The following TCF7L1 variants were observed in gnomAD, a reference collection of about 807,000 sequenced individuals.
The protein encoded by TCF7L1 is transcription factor 7-like 1.
In TCF7L1, 18 loss-of-function variants were observed where a neutral mutation model predicts 63.7. The observed-to-expected ratio is 0.28, with a 90% confidence interval of 0.20 to 0.42. The LOEUF is 0.42. Ranked by LOEUF, TCF7L1 falls within the 10% of genes least tolerant of loss-of-function variation. The probability of loss-of-function intolerance (pLI) is 1.00; values close to 1 mark genes in which losing one functional copy is unlikely to be tolerated. For synonymous variants in TCF7L1, 355 were observed against 340.9 expected, an observed-to-expected ratio of 1.04 and a Z score of -0.46; for missense variants, 654 against 779.3, an observed-to-expected ratio of 0.84 and a Z score of 1.91.
In TCF7L1 at chr2:85,241,437, G is replaced by GTTTTTTT. The variant is rs772334481; in HGVS notation, c.442-42036_442-42030dup. ...AGAGGACTGGATGCACTTTGTTTTT[G>GTTTTTTT]TTTTTTTTTTTTTTTTTTTTTTTTT... On this transcript the variant is annotated intron_variant, in intron 3 of 11. Coordinates refer to ENST00000282111, the MANE Select transcript of TCF7L1 (RefSeq NM_031283.3). Among the ~76,000 whole-genome samples, 288 of 83,064 alleles carry GTTTTTTT rather than the reference G, an allele frequency of 3.5e-3. 4 individuals carry two copies. Among genetic ancestry groups the GTTTTTTT allele is most frequent in the South Asian group, 6.5e-3 (13 of 2,004 alleles). The allele number at this position is 83,064 out of a possible 152,430, so 54.5% of individuals were successfully genotyped here.
intron 4 of TCF7L1, among the ~76,000 whole-genome samples, chr2:85,286,133 G>A (rs962025925): frequency 1.3e-5 from 2 of 148,752 alleles, no homozygotes; most frequent in South Asian, 2.2e-4. Context: ...AGAGGTTGCA[G>A]TGAGCCGAGA....
chr2:85,263,577 T>A (rs941461861), intron 3 of TCF7L1, among the ~76,000 whole-genome samples: 1 of 152,242 alleles, frequency 6.6e-6, no homozygotes, highest in Non-Finnish European at 1.5e-5. Flanking sequence ...CTGGTTTACA[T>A]CATCCATCAT....
intron 3 of TCF7L1, among the ~76,000 whole-genome samples, chr2:85,264,637 C>G (rs1450406709): frequency 6.6e-6 from 1 of 152,202 alleles, no homozygotes; most frequent in East Asian, 1.9e-4. Flanking sequence ...TCTACTAGGT[C>G]AGTCAGGAAG....
chr2:85,234,101 G>A (rs1420931420), intron 3 of TCF7L1, among the ~76,000 whole-genome samples: 4 of 137,418 alleles, frequency 2.9e-5, no homozygotes, highest in African/African-American at 1.1e-4. Flanking sequence ...GTTCCACTCT[G>A]CTTTTTTCAT....
At chr2:85,184,551 A>C (rs1483877316) in intron 3 of TCF7L1, among the ~76,000 whole-genome samples, 3 of 152,166 alleles carry the variant, frequency 2.0e-5, no homozygotes, top group Admixed American at 1.3e-4. Flanking sequence ...GTGATTATGA[A>C]GTCTCTTTGC....
intron 3 of TCF7L1, among the ~76,000 whole-genome samples, chr2:85,169,758 C>A (rs1678504549): frequency 6.6e-6 from 1 of 152,290 alleles, no homozygotes; most frequent in Non-Finnish European, 1.5e-5. Context: ...GGTGACAGTA[C>A]AACCAGCTCC....
Position 85,307,623 on chromosome 2 carries a change from C to T in TCF7L1, c.1258-19C>T. 5 of 1,612,112 alleles carry T rather than the reference C, an allele frequency of 3.1e-6. No individual in the cohort carries two copies. The highest frequency in any genetic ancestry group is 4.2e-6 in the Non-Finnish European group (5 of 1,178,686). ...TTCTTCTCTCCCAGCTTACCTCTTC[C>T]TTTGGCTGTATTTTCCAGGGTAAGA... On this transcript the variant is annotated intron_variant, in intron 10 of 11. Transcript: ENST00000282111.
chr2:85,304,248 C>T lies in TCF7L1; in HGVS notation c.762-7C>T, dbSNP rs758733251. ...AATATGCTGACCAGATTTCCTCCCC[C>T]TCACAGGCAAGGCCAGCCCATGTAC... On this transcript the variant is annotated splice_polypyrimidine_tract_variant and splice_region_variant and intron_variant, in intron 6 of 11. Transcript: ENST00000282111. 8 of 1,612,094 alleles carry T rather than the reference C, an allele frequency of 5.0e-6. No individual in the cohort carries two copies. The highest frequency in any genetic ancestry group is 4.5e-5 in the East Asian group (2 of 44,824).
chr2:85,209,123 T>C (rs146065125), intron 3 of TCF7L1, among the ~76,000 whole-genome samples: 71 of 151,460 alleles, frequency 4.7e-4, no homozygotes, highest in African/African-American at 1.5e-3. Context: ...GCAAGCTGTT[T>C]CCGATTGCCA....
intron 3 of TCF7L1, among the ~76,000 whole-genome samples, chr2:85,210,291 G>T (rs1679512706): frequency 6.6e-6 from 1 of 152,198 alleles, no homozygotes; most frequent in Non-Finnish European, 1.5e-5. Context: ...CTTCTGCCCT[G>T]CTGGGGAGGC....
intron 3 of TCF7L1, among the ~76,000 whole-genome samples, chr2:85,196,266 T>G (rs1679154155): frequency 6.6e-6 from 1 of 152,232 alleles, no homozygotes; most frequent in African/African-American, 2.4e-5. Flanking sequence ...AACGATGTCA[T>G]TCTTCTTCTC....
At chr2:85,224,059 T>C (rs1679903994) in intron 3 of TCF7L1, among the ~76,000 whole-genome samples, 1 of 152,198 alleles carries the variant, frequency 6.6e-6, no homozygotes, top group East Asian at 1.9e-4. Flanking sequence ...GTCCTTGTGA[T>C]AGTTTGCTGA....
At chr2:85,175,607 G>C (rs914650986) in intron 3 of TCF7L1, among the ~76,000 whole-genome samples, 1 of 152,204 alleles carries the variant, frequency 6.6e-6, no homozygotes, top group African/African-American at 2.4e-5. Flanking sequence ...GTGATTTCCC[G>C]ATGGATCAGG....
intron 4 of TCF7L1, among the ~76,000 whole-genome samples, chr2:85,284,619 C>G (rs1221600804): frequency 6.6e-6 from 1 of 152,312 alleles, no homozygotes; most frequent in East Asian, 1.9e-4. Flanking sequence ...ACTCACCCCA[C>G]AAGCTAACTG....
intron 3 of TCF7L1, chr2:85,187,387 CCCAGAAT>C (rs1678951062): frequency 1.3e-5 from 2 of 152,088 alleles, no homozygotes; most frequent in African/African-American, 4.8e-5. Flanking sequence ...TCCTGGTGTA[CCCAGAAT>C]TATAGAACTC....
At chr2:85,243,159 A>T (rs1327929787) in intron 3 of TCF7L1, among the ~76,000 whole-genome samples, 1 of 152,226 alleles carries the variant, frequency 6.6e-6, no homozygotes, top group Non-Finnish European at 1.5e-5. Flanking sequence ...CGCAGTTTCG[A>T]AAGAACTAAT....
chr2:85,309,114 G>A lies in TCF7L1; in HGVS notation c.1419G>A (p.Gly473=). The A allele has an allele frequency of 6.2e-7, 1 of 1,609,924 alleles. No individual in the cohort carries two copies. The highest frequency in any genetic ancestry group is 8.5e-7 in the Non-Finnish European group (1 of 1,178,258). ...GTGACAGCCCTGCCTCCTCCCACGG[G>A]AGCATGCTGGACTCCCCGGCCACTC... ...KPCDSPASSH[G]SMLDSPATPS... The change falls in exon 12 of 12, where the codon GGG becomes GGA. Residue 473 remains glycine, a synonymous_variant. Transcript: ENST00000282111.
chr2:85,165,095 G>A (rs1402652555), intron 3 of TCF7L1, among the ~76,000 whole-genome samples: 1 of 152,222 alleles, frequency 6.6e-6, no homozygotes. Flanking sequence ...CCAAGGAGTG[G>A]TCTGTGGCAT....
intron 3 of TCF7L1, among the ~76,000 whole-genome samples, chr2:85,156,563 T>G (rs1393326102): frequency 2.0e-5 from 3 of 152,190 alleles, no homozygotes; most frequent in Non-Finnish European, 4.4e-5. Flanking sequence ...TATGCCAAAT[T>G]AAGTCTGCAG....
Sources: allele counts gnomAD v4.1 joint callset (sites outside exome capture counted in the v4.1 genomes callset), GRCh38; gene constraint gnomAD v4.1.1; transcripts MANE v1.5; gene names NCBI Gene and HGNC (gene_info 2026-07-23, HGNC 2026-07-21).